GPC5: variants seen among roughly 807,000 people sequenced by gnomAD.
GPC5 encodes the protein glypican-5.
In GPC5, 47 loss-of-function variants were observed where a neutral mutation model predicts 53.9. That is an observed-to-expected ratio of 0.87 (90% CI 0.69 to 1.11). The LOEUF (loss-of-function observed/expected upper bound fraction) is 1.11. Ranked by LOEUF, GPC5 falls within the 50% of genes most tolerant of loss-of-function variation. The pLI is 0.00. For synonymous variants in GPC5, 286 were observed against 263.3 expected (o/e 1.09, Z -0.84); for missense variants, 748 against 713.1 (o/e 1.05, Z -0.56).
chr13:92,544,370 C>A (rs957493051), intron 7 of GPC5, among the ~76,000 whole-genome samples: 1 of 152,078 alleles, frequency 6.6e-6, no homozygotes, highest in Admixed American at 6.6e-5. Context: ...CTACAAAAGC[C>A]CACTTGGGGA....
At chr13:91,854,626 AG>A (rs1255741551) in intron 5 of GPC5, among the ~76,000 whole-genome samples, 1 of 151,642 alleles carries the variant, frequency 6.6e-6, no homozygotes, top group Non-Finnish European at 1.5e-5. Flanking sequence ...GATTTTTAAA[AG>A]ATTCTGAAAA....
At chr13:91,658,140 A>G (rs932352090) in intron 2 of GPC5, among the ~76,000 whole-genome samples, 2 of 152,186 alleles carry the variant, frequency 1.3e-5, no homozygotes, top group Non-Finnish European at 2.9e-5. Context: ...TAGGGCAAGC[A>G]CATTGAAAGG....
intron 2 of GPC5, among the ~76,000 whole-genome samples, chr13:91,622,096 C>T (rs1008879208): frequency 6.6e-6 from 1 of 151,996 alleles, no homozygotes; most frequent in African/African-American, 2.4e-5. Flanking sequence ...CTCTTGCCTG[C>T]TTTATTCTAG....
At chr13:91,871,950 G>A (rs2039149915) in intron 5 of GPC5, among the ~76,000 whole-genome samples, 1 of 152,048 alleles carries the variant, frequency 6.6e-6, no homozygotes, top group Non-Finnish European at 1.5e-5. Context: ...ATAGGTCACC[G>A]AAGGCAAAAT....
chr13:92,743,450 T>C (rs1486219226), intron 7 of GPC5, among the ~76,000 whole-genome samples: 1 of 152,212 alleles, frequency 6.6e-6, no homozygotes, highest in Non-Finnish European at 1.5e-5. Flanking sequence ...CCTGAGACTT[T>C]GCTGAAGTTG....
chr13:92,671,990 T>C (rs1886768830), intron 7 of GPC5, among the ~76,000 whole-genome samples: 1 of 152,144 alleles, frequency 6.6e-6, no homozygotes, highest in Admixed American at 6.6e-5. Context: ...GGGAATATAG[T>C]GCAGGGCCAT....
intron 2 of GPC5, among the ~76,000 whole-genome samples, chr13:91,650,405 A>AT (rs143070146): frequency 0.065 from 9,811 of 151,922 alleles, 1,075 homozygotes; most frequent in African/African-American, 0.22. Context: ...TGTAGTATAT[A>AT]TTTTTTTCAC....
At chr13:91,425,678 C>T (rs1199132790) in intron 1 of GPC5, among the ~76,000 whole-genome samples, 1 of 152,172 alleles carries the variant, frequency 6.6e-6, no homozygotes, top group Non-Finnish European at 1.5e-5. Flanking sequence ...TTGGGTATGT[C>T]TTTATAGCAG....
chr13:92,095,533 G>C (rs1207189685), intron 6 of GPC5, among the ~76,000 whole-genome samples: 1 of 150,790 alleles, frequency 6.6e-6, no homozygotes, highest in Non-Finnish European at 1.5e-5. Flanking sequence ...TTTTGTTTCT[G>C]TTTTTGTTTT....
intron 7 of GPC5, among the ~76,000 whole-genome samples, chr13:92,838,408 G>A (rs1038383251): frequency 6.6e-6 from 1 of 151,436 alleles, no homozygotes; most frequent in Non-Finnish European, 1.5e-5. Flanking sequence ...GACGTGAACC[G>A]GTAGTCGGAG....
At chr13:91,969,160 G>T (rs1164304845) in intron 6 of GPC5, among the ~76,000 whole-genome samples, 1 of 151,942 alleles carries the variant, frequency 6.6e-6, no homozygotes. Flanking sequence ...GTAGAGGCAA[G>T]GTTTCCCCAT....
chr13:91,964,490 A>G (rs1314754429), intron 6 of GPC5, among the ~76,000 whole-genome samples: 1 of 152,176 alleles, frequency 6.6e-6, no homozygotes, highest in Non-Finnish European at 1.5e-5. Flanking sequence ...TTAGCTAGAC[A>G]CAAAGTGCTG....
chr13:92,497,905 G>A (rs1489253661), intron 7 of GPC5, among the ~76,000 whole-genome samples: 4 of 151,826 alleles, frequency 2.6e-5, no homozygotes, highest in East Asian at 1.9e-4. Flanking sequence ...TCTATTCTTG[G>A]TATATAGGAA....
At chr13:91,976,761 C>T (rs576156889) in intron 6 of GPC5, among the ~76,000 whole-genome samples, 6 of 152,178 alleles carry the variant, frequency 3.9e-5, no homozygotes, top group South Asian at 4.2e-4. Context: ...AAACAGAGGC[C>T]GAGCGCGGTG....
At chr13:92,234,230 G>C (rs964093133) in intron 7 of GPC5, among the ~76,000 whole-genome samples, 3 of 152,064 alleles carry the variant, frequency 2.0e-5, no homozygotes, top group Non-Finnish European at 4.4e-5. Flanking sequence ...TGAGGAATCA[G>C]CACACTGACT....
At chr13:91,780,440 TA>T (rs1399347263) in intron 5 of GPC5, among the ~76,000 whole-genome samples, 4 of 152,160 alleles carry the variant, frequency 2.6e-5, no homozygotes, top group Non-Finnish European at 5.9e-5. Flanking sequence ...CTTTTTATTA[TA>T]TTTTTTTAAA....
intron 7 of GPC5, among the ~76,000 whole-genome samples, chr13:92,610,030 C>CAAAAAAAAA (rs56913637): frequency 1.4e-5 from 1 of 70,824 alleles, no homozygotes; most frequent in Non-Finnish European, 2.5e-5. Flanking sequence ...GACTCCATCT[C>CAAAAAAAAA]AAAAAAAAAA....
chr13:92,288,512 T>C (rs1304822316), intron 7 of GPC5, among the ~76,000 whole-genome samples: 2 of 152,180 alleles, frequency 1.3e-5, no homozygotes, highest in African/African-American at 4.8e-5. Flanking sequence ...ATCTCTTCTA[T>C]TGTGACTATA....
rs557512656 is a variant in GPC5, at chr13:92,126,063, T to C, written c.1402-18767T>C. 1.1e-4 allele frequency among the ~76,000 whole-genome samples: 16 copies of C among 148,854 alleles called. No homozygotes were observed. In the South Asian group the frequency reaches 3.5e-3, roughly 33 times the overall value. ...TCCACCTCCTGGGTTGGAGTGATTC[T>C]CCTGCCTCAGCCTCCTGAGTAGCTG... On this transcript the variant is annotated intron_variant, in intron 6 of 7. Coordinates refer to ENST00000377067, the MANE Select transcript of GPC5 (RefSeq NM_004466.6).
Sources: gnomAD v4.1 joint callset for allele counts (sites outside exome capture counted in the v4.1 genomes callset) on GRCh38, gnomAD v4.1.1 for gene constraint, MANE v1.5 for transcripts, NCBI Gene and HGNC (gene_info 2026-07-23, HGNC 2026-07-21) for gene names.